MCC: variants seen among roughly 807,000 people sequenced by gnomAD.
The protein encoded by MCC is colorectal mutant cancer protein.
In MCC, 90 loss-of-function variants were observed where a neutral mutation model predicts 116.2. That is an observed-to-expected ratio of 0.77 (90% CI 0.65 to 0.92). MCC has a LOEUF of 0.92. MCC is among the 40% of genes least tolerant of loss of function. The pLI is 0.00. For missense variants in MCC, 1,516 were observed against 1,312.2 expected, an observed-to-expected ratio of 1.16 and a Z score of -2.40; for synonymous variants, 578 against 510.5, an observed-to-expected ratio of 1.13 and a Z score of -1.78.
intron 3 of MCC, among the ~76,000 whole-genome samples, chr5:113,169,218 G>A (rs1760938712): frequency 1.3e-5 from 2 of 152,184 alleles, no homozygotes; most frequent in Admixed American, 1.3e-4. Context: ...GTAGGGGGAA[G>A]AGGGAAATAG....
chr5:113,198,271 T>C (rs1313575580), intron 3 of MCC, among the ~76,000 whole-genome samples: 2 of 152,222 alleles, frequency 1.3e-5, no homozygotes, highest in African/African-American at 4.8e-5. Context: ...ATTTGAGTCC[T>C]TCTTCCCCTA....
intron 8 of MCC, among the ~76,000 whole-genome samples, chr5:113,101,028 C>A (rs540993195): frequency 4.5e-4 from 68 of 152,294 alleles, no homozygotes; most frequent in African/African-American, 1.6e-3. Context: ...CTTGGAAAAA[C>A]TGAGGCTTTA....
In MCC at chr5:113,267,158, G is replaced by A. The variant is rs1052767236; in HGVS notation, c.627+73361C>T. Among the ~76,000 whole-genome samples, 30 of 152,002 alleles carry A rather than the reference G, an allele frequency of 2.0e-4. No homozygotes were observed. In the East Asian group the frequency reaches 2.7e-3, roughly 14 times the overall value. ...TCTCTGCAGCTCTTTCCTTCCTATCGTCCCTGTAGCAGGCCCTCAGTGCTC... is the reference window on the plus strand; with the variant it reads ...TCTCTGCAGCTCTTTCCTTCCTATCATCCCTGTAGCAGGCCCTCAGTGCTC... On this transcript the variant is annotated intron_variant, in intron 3 of 18. Transcript: ENST00000408903.
At chr5:113,126,072 T>C (rs1458167694) in intron 5 of MCC, among the ~76,000 whole-genome samples, 1 of 152,222 alleles carries the variant, frequency 6.6e-6, no homozygotes, top group Non-Finnish European at 1.5e-5. Flanking sequence ...TGTTTCTCCT[T>C]GGAACATAAA....
intron 18 of MCC, among the ~76,000 whole-genome samples, chr5:113,027,721 G>A (rs952397517): frequency 6.6e-6 from 1 of 151,700 alleles, no homozygotes; most frequent in African/African-American, 2.4e-5. Flanking sequence ...GCTAGAGGCT[G>A]GTCACTCTCA....
At chr5:113,423,102 C>A (rs1288168203) in intron 1 of MCC, among the ~76,000 whole-genome samples, 2 of 152,180 alleles carry the variant, frequency 1.3e-5, no homozygotes, top group East Asian at 3.9e-4. Context: ...CTGAACAAAG[C>A]AACACTCTGC....
chr5:113,423,029 T>C (rs1770382374), intron 1 of MCC, among the ~76,000 whole-genome samples: 1 of 152,186 alleles, frequency 6.6e-6, no homozygotes, highest in South Asian at 2.1e-4. Flanking sequence ...CCACAATTAT[T>C]TGTGAATGTG....
chr5:113,305,190 T>C (rs1417721412), intron 3 of MCC, among the ~76,000 whole-genome samples: 1 of 152,172 alleles, frequency 6.6e-6, no homozygotes, highest in Non-Finnish European at 1.5e-5. Flanking sequence ...AGGGATTTCC[T>C]ACAGGGACAG....
intron 3 of MCC, among the ~76,000 whole-genome samples, chr5:113,219,378 G>C (rs1021441648): frequency 6.6e-6 from 1 of 152,208 alleles, no homozygotes; most frequent in Non-Finnish European, 1.5e-5. Flanking sequence ...CCAATAAAAA[G>C]TCAGTAGCAT....
At chr5:113,257,581 G>C (rs1452958304) in intron 3 of MCC, among the ~76,000 whole-genome samples, 1 of 152,200 alleles carries the variant, frequency 6.6e-6, no homozygotes, top group Admixed American at 6.5e-5. Context: ...GTTGAGAAGG[G>C]AAAGAAAACT....
chr5:113,049,037 G>T, intron 16 of MCC, 56 bp downstream of exon 16: 1 of 881,500 alleles, frequency 1.1e-6, no homozygotes, highest in Non-Finnish European at 1.5e-6. Context: ...TGGTCACTGG[G>T]CAGTCACTGG....
chr5:113,093,473 C>A (rs1227918172), intron 8 of MCC, among the ~76,000 whole-genome samples: 2 of 150,770 alleles, frequency 1.3e-5, no homozygotes, highest in East Asian at 3.9e-4. Flanking sequence ...CTGTTGATCT[C>A]TCTCTCTCTC....
intron 3 of MCC, among the ~76,000 whole-genome samples, chr5:113,283,310 C>T (rs920397532): frequency 6.6e-6 from 1 of 152,174 alleles, no homozygotes; most frequent in African/African-American, 2.4e-5. Context: ...TGCAAAGAAA[C>T]TCTGTAACTC....
intron 2 of MCC, among the ~76,000 whole-genome samples, chr5:113,363,988 C>CT (rs1415458731): frequency 6.6e-6 from 1 of 152,086 alleles, no homozygotes; most frequent in African/African-American, 2.4e-5. Context: ...AATCTCAGCA[C>CT]TTTGGGAGAC....
rs920890192 is a variant in MCC at position 113,353,872 on chromosome 5, A to C, written c.416-13142T>G. 1.1e-3 allele frequency among the ~76,000 whole-genome samples: 166 copies of C among 152,196 alleles called. 1 individual carries two copies. Among genetic ancestry groups the C allele is most frequent in the African/African-American group, 4.0e-3 (164 of 41,444 alleles). On this transcript the variant is annotated intron_variant, in intron 2 of 18. Transcript: ENST00000408903. ...TAGAGTGGACAATGGAGAATTCTTT[A>C]ATCATTTTTCTTTTCAGGAATGGTA...
At chr5:113,335,781 C>T (rs1322223788) in intron 3 of MCC, among the ~76,000 whole-genome samples, 1 of 151,590 alleles carries the variant, frequency 6.6e-6, no homozygotes, top group Non-Finnish European at 1.5e-5. Context: ...GAACCACATT[C>T]CCCAGAGTTC....
At position 113,117,786 on chromosome 5, in the gene MCC, T is replaced by C. The variant is rs77018315; in HGVS notation, c.1027+4898A>G. Among the ~76,000 whole-genome samples, 8 of 152,342 alleles carry C rather than the reference T, an allele frequency of 5.3e-5. No homozygotes were observed. In the East Asian group the frequency reaches 9.6e-4, roughly 18 times the overall value. ...GTGCACACATCTGTGCTCTGCTCTA[T>C]TGCAATACCCAGAATCATTGGGTCC... On this transcript the variant is annotated intron_variant, in intron 6 of 18. Transcript: ENST00000408903.
intron 3 of MCC, among the ~76,000 whole-genome samples, chr5:113,295,188 A>G (rs1176278680): frequency 6.6e-6 from 1 of 151,832 alleles, no homozygotes; most frequent in Non-Finnish European, 1.5e-5. Context: ...AAAAAAAAGA[A>G]AAGAAAAAGA....
At chr5:113,133,445 T>C (rs1404929384) in intron 5 of MCC, among the ~76,000 whole-genome samples, 1 of 152,124 alleles carries the variant, frequency 6.6e-6, no homozygotes, top group Non-Finnish European at 1.5e-5. Context: ...CCAGTTCCAT[T>C]CATGTTGCTG....
Sources: gnomAD v4.1 joint callset for allele counts (sites outside exome capture counted in the v4.1 genomes callset) on GRCh38, gnomAD v4.1.1 for gene constraint, MANE v1.5 for transcripts, NCBI Gene and HGNC (gene_info 2026-07-23, HGNC 2026-07-21) for gene names.